ROBO1: variants seen among roughly 807,000 people sequenced by gnomAD.
The protein encoded by ROBO1 is roundabout guidance receptor 1, also known as roundabout homolog 1.
Under a neutral mutation model 195.9 loss-of-function variants are expected in ROBO1, and 149 were observed. That is an observed-to-expected ratio of 0.76 (90% confidence interval 0.67 to 0.87). The LOEUF (loss-of-function observed/expected upper bound fraction) is 0.87, where lower values mean the gene tolerates loss of function less well. ROBO1 is among the 40% of genes least tolerant of loss of function. The pLI, the probability that ROBO1 is intolerant of heterozygous loss-of-function variation, is 0.00. For missense variants in ROBO1, 1,933 were observed against 2,068.3 expected (o/e 0.93, Z 1.27); for synonymous variants, 816 against 733.2 (o/e 1.11, Z -1.82).
At position 78,921,471 on chromosome 3, in the gene ROBO1, A is replaced by G. The variant is rs144566141; in HGVS notation, c.499+17130T>C. ...AGATAAATGAACAGTTTTATAAACA[A>G]TAACTGCAACACAGGTCATTTTGAA... is the stretch of plus-strand genomic sequence containing the variant. On this transcript the variant is annotated intron_variant, in intron 4 of 30. Coordinates refer to ENST00000464233, the MANE Select transcript of ROBO1 (RefSeq NM_002941.4). 3.6e-3 allele frequency among the ~76,000 whole-genome samples: 544 copies of G among 152,342 alleles called. 2 individuals are homozygous for G. Among genetic ancestry groups the G allele is most frequent in the Middle Eastern group, 0.02 (6 of 294 alleles).
chr3:78,891,528 G>T (rs550184340), intron 4 of ROBO1, among the ~76,000 whole-genome samples: 4 of 152,294 alleles, frequency 2.6e-5, no homozygotes, highest in African/African-American at 9.6e-5. Flanking sequence ...TTGGAAAACT[G>T]TCTGGCTGGT....
intron 1 of ROBO1, among the ~76,000 whole-genome samples, chr3:79,691,472 A>G (rs936668460): frequency 4.0e-5 from 6 of 151,400 alleles, no homozygotes; most frequent in Non-Finnish European, 7.4e-5. Context: ...ATATATATAA[A>G]TATATATGTT....
chr3:78,618,680 T>C (rs955899343), intron 26 of ROBO1, among the ~76,000 whole-genome samples: 14 of 152,236 alleles, frequency 9.2e-5, no homozygotes, highest in African/African-American at 3.4e-4. Flanking sequence ...TAAAGATCAT[T>C]AACTATTTTT....
rs1179095732 is a variant in ROBO1 at position 79,261,017 on chromosome 3, G to A, written c.89-135478C>T. Among the ~76,000 whole-genome samples, 4 of 152,114 alleles carry A rather than the reference G, an allele frequency of 2.6e-5. No homozygotes were observed. In the East Asian group the frequency reaches 7.7e-4, roughly 29 times the overall value. On this transcript the variant is annotated intron_variant, in intron 2 of 30. Coordinates refer to ENST00000464233, the MANE Select transcript of ROBO1 (RefSeq NM_002941.4). Reference sequence around the variant, plus strand: ...ACAATACTTGTACATCCTATCCACTGAAGTTACCATTTTTAGTGTTTTTAA... The same window carrying A: ...ACAATACTTGTACATCCTATCCACTAAAGTTACCATTTTTAGTGTTTTTAA...
chr3:79,370,058 C>T (rs1349455948), intron 2 of ROBO1, among the ~76,000 whole-genome samples: 1 of 151,976 alleles, frequency 6.6e-6, no homozygotes, highest in African/African-American at 2.4e-5. Context: ...TTTATAAAAC[C>T]TGATGTTTAA....
chr3:78,599,205 T>G (rs1235850352), intron 30 of ROBO1, among the ~76,000 whole-genome samples: 3 of 152,094 alleles, frequency 2.0e-5, no homozygotes, highest in Non-Finnish European at 4.4e-5. Flanking sequence ...TTGAGTTATC[T>G]AATCCCCTCA....
intron 2 of ROBO1, among the ~76,000 whole-genome samples, chr3:79,215,552 A>C (rs962969707): frequency 1.3e-5 from 2 of 152,220 alleles, no homozygotes; most frequent in African/African-American, 4.8e-5. Flanking sequence ...CCTGAGGACC[A>C]GCAAACATTC....
chr3:78,774,523 G>A (rs1346985188), intron 4 of ROBO1, among the ~76,000 whole-genome samples: 1 of 151,946 alleles, frequency 6.6e-6, no homozygotes, highest in Admixed American at 6.6e-5. Context: ...TGTTAGCCAG[G>A]ATGGTCTCGA....
intron 2 of ROBO1, among the ~76,000 whole-genome samples, chr3:79,177,527 C>T (rs2081278375): frequency 1.3e-5 from 2 of 152,200 alleles, no homozygotes; most frequent in Admixed American, 6.5e-5. Flanking sequence ...TCCACTCCTC[C>T]CCCACTTTAA....
chr3:78,645,402 T>C (rs1321928833), intron 21 of ROBO1, among the ~76,000 whole-genome samples: 2 of 151,054 alleles, frequency 1.3e-5, no homozygotes, highest in African/African-American at 4.9e-5. Context: ...TGGTTTTGGT[T>C]GGAAGATTTT....
chr3:79,627,773 G>C (rs1016581112), intron 1 of ROBO1, among the ~76,000 whole-genome samples: 1 of 152,066 alleles, frequency 6.6e-6, no homozygotes, highest in African/African-American at 2.4e-5. Flanking sequence ...CTAATATCCA[G>C]CATTTACAAG....
intron 2 of ROBO1, among the ~76,000 whole-genome samples, chr3:79,586,766 G>C (rs1943843280): frequency 6.6e-6 from 1 of 151,560 alleles, no homozygotes; most frequent in South Asian, 2.1e-4. Flanking sequence ...TTACATCCGT[G>C]GCAATAAAAG....
Position 78,868,710 on chromosome 3 carries a change from T to C in ROBO1, c.499+69891A>G, listed in dbSNP as rs111453493. ...TAACACTGAAGCAGGAAGGGAATTA[T>C]GCACTCAAGCACAGCATAAAAGGGG... is the stretch of plus-strand genomic sequence containing the variant. On this transcript the variant is annotated intron_variant, in intron 4 of 30. Coordinates refer to ENST00000464233, the MANE Select transcript of ROBO1 (RefSeq NM_002941.4). Among the ~76,000 whole-genome samples, 1,300 of 152,256 alleles carry C rather than the reference T, an allele frequency of 8.5e-3. 23 individuals carry two copies. Among genetic ancestry groups the C allele is most frequent in the African/African-American group, 0.028 (1,143 of 41,554 alleles).
intron 2 of ROBO1, among the ~76,000 whole-genome samples, chr3:79,446,364 GA>G (rs1251607937): frequency 1.3e-5 from 2 of 152,102 alleles, no homozygotes; most frequent in Non-Finnish European, 2.9e-5. Context: ...ATAAATGTCT[GA>G]AAGGTTATTA....
At chr3:79,477,720 A>T (rs1345637066) in intron 2 of ROBO1, among the ~76,000 whole-genome samples, 1 of 152,170 alleles carries the variant, frequency 6.6e-6, no homozygotes, top group Non-Finnish European at 1.5e-5. Flanking sequence ...TGAAATACAT[A>T]ATATTAAGAT....
chr3:79,670,951 T>A (rs1423942550), intron 1 of ROBO1, among the ~76,000 whole-genome samples: 1 of 151,852 alleles, frequency 6.6e-6, no homozygotes, highest in Non-Finnish European at 1.5e-5. Flanking sequence ...ACTGTCTTAG[T>A]ATTGACAGCC....
At chr3:78,686,870 T>C (rs1202957208) in intron 9 of ROBO1, among the ~76,000 whole-genome samples, 1 of 152,164 alleles carries the variant, frequency 6.6e-6, no homozygotes, top group Non-Finnish European at 1.5e-5. Flanking sequence ...AAAATTCATA[T>C]GTTGAATTTA....
chr3:78,727,280 T>A (rs1157716784), intron 5 of ROBO1, among the ~76,000 whole-genome samples: 2 of 152,110 alleles, frequency 1.3e-5, no homozygotes, highest in African/African-American at 4.8e-5. Flanking sequence ...TCTTATTTTA[T>A]AATATTTCCT....
At chr3:79,104,899 A>G (rs930692848) in intron 3 of ROBO1, among the ~76,000 whole-genome samples, 4 of 151,778 alleles carry the variant, frequency 2.6e-5, no homozygotes, top group South Asian at 2.1e-4. Context: ...ACAGACCCAT[A>G]CATATATGAT....
Sources: allele counts gnomAD v4.1 joint callset (sites outside exome capture counted in the v4.1 genomes callset), GRCh38; gene constraint gnomAD v4.1.1; transcripts MANE v1.5; gene names NCBI Gene and HGNC (gene_info 2026-07-23, HGNC 2026-07-21).